The following ZNF540 variants were observed in gnomAD, a reference collection of about 807,000 sequenced individuals.
ZNF540 encodes the protein zinc finger protein 540, also known as CTD-3064H18.6.
A neutral mutation model predicts 11.8 loss-of-function variants in ZNF540; 3 were observed. That is an observed-to-expected ratio of 0.25 (90% confidence interval 0.12 to 0.65). The LOEUF (loss-of-function observed/expected upper bound fraction) is 0.65. Among genes scored for constraint, ZNF540 ranks in the 30% least tolerant of loss-of-function variants. ZNF540 has a pLI of 0.83. For synonymous variants in ZNF540, 247 were observed against 259.0 expected, an observed-to-expected ratio of 0.95 and a Z score of 0.45; for missense variants, 709 against 793.1, an observed-to-expected ratio of 0.89 and a Z score of 1.27.
chr19:37,588,199 G>A (rs917262054), intron 1 of ZNF540, among the ~76,000 whole-genome samples: 3 of 146,494 alleles, frequency 2.0e-5, no homozygotes, highest in African/African-American at 7.5e-5. Context: ...TAGGATATTT[G>A]ACATATGATA....
At position 37,599,899 on chromosome 19, in the gene ZNF540, T is replaced by G. The variant is rs1032731071; in HGVS notation, c.136+147T>G. 3 of 839,194 alleles carry G rather than the reference T, an allele frequency of 3.6e-6. No homozygotes were observed. In the African/African-American group the frequency reaches 5.2e-5, roughly 15 times the overall value. The allele number at this position is 839,194 out of a possible 1,614,324, so 52.0% of individuals were successfully genotyped here. Reference sequence around the variant, plus strand: ...GGACTGAACTTTGATGGTTTGTGAATGGCACTTCCACTAAATGCTTTCATT... The same window carrying G: ...GGACTGAACTTTGATGGTTTGTGAAGGGCACTTCCACTAAATGCTTTCATT... On this transcript the variant is annotated intron_variant, in intron 3 of 4. Transcript: ENST00000316433.
chr19:37,604,295 A>ATTTTTTTT (rs1491343746), intron 4 of ZNF540, among the ~76,000 whole-genome samples: 9 of 33,904 alleles, frequency 2.7e-4, no homozygotes, highest in Admixed American at 6.9e-4. Context: ...AAATAGCCTT[A>ATTTTTTTT]CTTTTTTTTT....
At chr19:37,561,003 G>A (rs897403780) in intron 1 of ZNF540, 1 of 141,694 alleles carries the variant, frequency 7.1e-6, no homozygotes, top group Non-Finnish European at 1.5e-5. Context: ...CTTGAAGCCC[G>A]GGATTTGAGA....
intron 1 of ZNF540, chr19:37,586,720 G>A (rs1346256756): frequency 6.2e-7 from 1 of 1,613,048 alleles, no homozygotes; most frequent in Admixed American, 1.7e-5. Flanking sequence ...TCTCCTGGAG[G>A]TGTGCAAAGT....
intron 1 of ZNF540, among the ~76,000 whole-genome samples, chr19:37,554,340 T>C (rs571140112): frequency 2.0e-5 from 3 of 152,340 alleles, no homozygotes; most frequent in African/African-American, 7.2e-5. Context: ...CCTGAGGCTT[T>C]AGCTTTCATT....
In ZNF540 at chr19:37,568,409, G is replaced by A. The variant is rs565415417; in HGVS notation, c.-73+16744G>A. ...CTAGAACAAGATAGACCCTGCTTTT[G>A]TTTCTTTCATAGAAGAACAATATGG... On this transcript the variant is annotated intron_variant, in intron 1 of 4. Coordinates refer to the ZNF540 transcript ENST00000592533. Among the ~76,000 whole-genome samples, 3 of 151,040 alleles carry A rather than the reference G, an allele frequency of 2.0e-5. No individual in the cohort carries two copies. The South Asian group carries it at 6.3e-4, about 32-fold the overall frequency.
At chr19:37,585,567 C>T (rs2043642315) in intron 1 of ZNF540, 1 of 152,110 alleles carries the variant, frequency 6.6e-6, no homozygotes, top group Admixed American at 6.6e-5. Context: ...TTTCTAATTT[C>T]CCTTAAAAAC....
rs1446953883 is a variant in ZNF540 at position 37,612,660 on chromosome 19, T to A, written c.1380T>A (p.Leu460=). The A allele has an allele frequency of 6.2e-7, 1 of 1,614,086 alleles. No individual in the cohort carries two copies. The highest frequency in any genetic ancestry group is 1.1e-5 in the South Asian group (1 of 91,072). Residue 460 remains leucine, a synonymous_variant, in exon 5 of 5, where the codon CTT becomes CTA. Transcript: ENST00000316433. ...CAGTCCTTACTGAACATCAGAGACT[T>A]CATACTGGTGTGAAGCCCTACGAAT... ...LRSVLTEHQR[L]HTGVKPYECK...
chr19:37,552,581 A>G (rs2042616996), intron 1 of ZNF540, among the ~76,000 whole-genome samples: 1 of 152,182 alleles, frequency 6.6e-6, no homozygotes, highest in African/African-American at 2.4e-5. Context: ...TTCTTGGTCA[A>G]TACACTTCTA....
intron 1 of ZNF540, among the ~76,000 whole-genome samples, chr19:37,596,123 G>A (rs2043991714): frequency 6.6e-6 from 1 of 152,148 alleles, no homozygotes; most frequent in African/African-American, 2.4e-5. Context: ...TGACAACCAG[G>A]ATGTTGACAT....
intron 1 of ZNF540, among the ~76,000 whole-genome samples, chr19:37,568,553 A>C (rs1482681856): frequency 6.6e-6 from 1 of 152,154 alleles, no homozygotes; most frequent in East Asian, 1.9e-4. Context: ...CCTAATAAAA[A>C]TGGGAAGAAA....
chr19:37,593,600 G>A (rs926896782), upstream of ZNF540, among the ~76,000 whole-genome samples: 12 of 152,152 alleles, frequency 7.9e-5, no homozygotes, highest in African/African-American at 2.9e-4. Context: ...CTACTCGGGA[G>A]GCTTAGGCAG....
intron 4 of ZNF540, chr19:37,610,849 A>G (rs999130294): frequency 6.6e-6 from 1 of 152,114 alleles, no homozygotes; most frequent in Non-Finnish European, 1.5e-5. Flanking sequence ...CATCTAGTGG[A>G]GTTATTAAAA....
At chr19:37,559,883 G>A (rs1173951464) in intron 1 of ZNF540, among the ~76,000 whole-genome samples, 1 of 152,208 alleles carries the variant, frequency 6.6e-6, no homozygotes, top group Admixed American at 6.5e-5. Context: ...ACTGTCACCA[G>A]ACTGAAATGA....
Position 37,552,763 on chromosome 19 carries a change from C to T in ZNF540, c.-73+1098C>T, listed in dbSNP as rs1021570108. ...AGGAGTTTGAGACCAGCTTGGCCAA[C>T]ATGGTGAAACCCCATCTCTACCAAA... On this transcript the variant is annotated intron_variant, in intron 1 of 4. Transcript: ENST00000592533. Among the ~76,000 whole-genome samples, 8 of 152,190 alleles carry T rather than the reference C, an allele frequency of 5.3e-5. No homozygotes were observed. The East Asian group carries it at 1.5e-3, about 29-fold the overall frequency.
At chr19:37,592,706 A>T (rs1434662569), upstream of ZNF540, among the ~76,000 whole-genome samples, 1 of 152,264 alleles carries the variant, frequency 6.6e-6, no homozygotes, top group Non-Finnish European at 1.5e-5. Flanking sequence ...ATTAAAGGTG[A>T]TTTAGGGAAA....
In ZNF540 at chr19:37,611,782, G is replaced by C. The variant is rs774319894; in HGVS notation, c.502G>C (p.Glu168Gln). ...TCTGAATCAGAGAATTCACAATAGT[G>C]AGAAAAGCTGTGACTCACACTTGGT... The part of the protein sequence containing the change: ...FTLNQRIHNS[E>Q]KSCDSHLVQH... The change falls in exon 5 of 5, where the codon GAG becomes CAG. Residue 168 changes from glutamate to glutamine, a missense_variant. By Grantham distance (29) the Glu-to-Gln change is conservative. Transcript: ENST00000316433. 1 of 1,613,946 alleles carries C rather than the reference G, an allele frequency of 6.2e-7. No homozygotes were observed. The highest frequency in any genetic ancestry group is 1.1e-5 in the South Asian group (1 of 91,040).
intron 4 of ZNF540, among the ~76,000 whole-genome samples, chr19:37,605,083 T>G (rs1265577479): frequency 6.6e-6 from 1 of 152,228 alleles, no homozygotes; most frequent in Non-Finnish European, 1.5e-5. Flanking sequence ...TATGAGTGCT[T>G]GTTTACAAGT....
At chr19:37,579,658 G>T (rs2043377672) in intron 1 of ZNF540, among the ~76,000 whole-genome samples, 1 of 152,102 alleles carries the variant, frequency 6.6e-6, no homozygotes, top group Admixed American at 6.5e-5. Context: ...TTTTGCAGGT[G>T]TTTCATCAAT....
Sources: gnomAD v4.1 joint callset for allele counts (sites outside exome capture counted in the v4.1 genomes callset) on GRCh38, gnomAD v4.1.1 for gene constraint, MANE v1.5 for transcripts, NCBI Gene and HGNC (gene_info 2026-07-23, HGNC 2026-07-21) for gene names.